MECOM: variants seen among roughly 807,000 people sequenced by gnomAD.
MECOM encodes the protein MDS1 and EVI1 complex locus.
A neutral mutation model predicts 116.3 loss-of-function variants in MECOM; 13 were observed. That is an observed-to-expected ratio of 0.11 (90% CI 0.07 to 0.18). The LOEUF is 0.18. Among genes scored for constraint, MECOM ranks in the 10% least tolerant of loss-of-function variants. The pLI is 1.00. For synonymous variants in MECOM, 528 were observed against 535.2 expected (o/e 0.99, Z 0.19); for missense variants, 1,299 against 1,509.0 (o/e 0.86, Z 2.31).
In MECOM at chr3:169,378,567, AAAGAAAGAAAGAAAGAAAGTAAGT is replaced by A. The variant is rs1370611309; in HGVS notation, c.375+2596_375+2619del. On this transcript the variant is annotated intron_variant, in intron 2 of 16. Transcript: ENST00000651503. ...GAAAGAAAGAAAGAAAGAAAGAAAGAAAGAAAGAAAGAAAGAAAGTAAGTAAGTAAGTTTGGGGACTTAATACAA... is the reference window on the plus strand; with the variant it reads ...GAAAGAAAGAAAGAAAGAAAGAAAGAAAGTAAGTTTGGGGACTTAATACAA... Among the ~76,000 whole-genome samples the A allele has an allele frequency of 7.6e-3, 1,039 of 136,952 alleles. 98 individuals are homozygous for A. Among genetic ancestry groups the A allele is most frequent in the Middle Eastern group, 0.014 (4 of 278 alleles). 89.8% of individuals were successfully genotyped at this position (136,952 alleles called of 152,430 possible).
intron 1 of MECOM, among the ~76,000 whole-genome samples, chr3:169,529,205 G>A (rs1560396476): frequency 1.3e-5 from 2 of 152,110 alleles, no homozygotes; most frequent in South Asian, 2.1e-4. Flanking sequence ...CAAAGCCACA[G>A]GGTCTAATAA....
At chr3:169,625,308 A>G (rs1350867461) in intron 1 of MECOM, among the ~76,000 whole-genome samples, 2 of 152,166 alleles carry the variant, frequency 1.3e-5, no homozygotes, top group Admixed American at 6.5e-5. Flanking sequence ...CCTCCAAAAT[A>G]TACCAATCTG....
intron 1 of MECOM, among the ~76,000 whole-genome samples, chr3:169,529,480 A>G (rs1394909036): frequency 6.6e-6 from 1 of 152,150 alleles, no homozygotes; most frequent in Non-Finnish European, 1.5e-5. Flanking sequence ...AAGGCTTCCC[A>G]TATCCATATC....
intron 3 of MECOM, among the ~76,000 whole-genome samples, chr3:169,134,125 T>G (rs760894346): frequency 3.3e-5 from 5 of 152,226 alleles, no homozygotes; most frequent in Non-Finnish European, 7.3e-5. Flanking sequence ...GAGAGTATTA[T>G]GATATCATTA....
chr3:169,447,870 T>A (rs1223406311), intron 1 of MECOM: 1 of 152,244 alleles, frequency 6.6e-6, no homozygotes, highest in African/African-American at 2.4e-5. Context: ...AATGAAAGAT[T>A]GGTGAGTAAC....
chr3:169,580,886 G>A (rs1765053751), intron 1 of MECOM, among the ~76,000 whole-genome samples: 1 of 152,080 alleles, frequency 6.6e-6, no homozygotes, highest in Non-Finnish European at 1.5e-5. Context: ...AGGCTTCCTT[G>A]ACATTTACCC....
intron 2 of MECOM, among the ~76,000 whole-genome samples, chr3:169,284,083 T>C (rs911813826): frequency 6.6e-6 from 1 of 152,196 alleles, no homozygotes; most frequent in African/African-American, 2.4e-5. Flanking sequence ...GGCCAATTGC[T>C]GGTGCCAGGC....
chr3:169,186,200 A>C (rs1746684293), intron 2 of MECOM, among the ~76,000 whole-genome samples: 1 of 152,058 alleles, frequency 6.6e-6, no homozygotes, highest in Admixed American at 6.6e-5. Context: ...GCTTATTTCC[A>C]ATACCTAGCT....
At chr3:169,564,217 T>C (rs1453351181) in intron 1 of MECOM, among the ~76,000 whole-genome samples, 1 of 152,158 alleles carries the variant, frequency 6.6e-6, no homozygotes, top group Non-Finnish European at 1.5e-5. Flanking sequence ...GACTCAAACA[T>C]ACAAGACATC....
intron 1 of MECOM, among the ~76,000 whole-genome samples, chr3:169,562,139 C>CAAAAAAAAAAAAAAAAAAAAAAAAAA (rs10714325): frequency 4.0e-5 from 1 of 25,282 alleles, no homozygotes; most frequent in Non-Finnish European, 7.7e-5. Context: ...GAGCAATACT[C>CAAAAAAAAAAAAAAAAAAAAAAAAAA]AAAAAAAAAA....
At chr3:169,219,474 T>A (rs1751841451) in intron 2 of MECOM, among the ~76,000 whole-genome samples, 1 of 152,160 alleles carries the variant, frequency 6.6e-6, no homozygotes, top group Non-Finnish European at 1.5e-5. Flanking sequence ...GCCACTGCAC[T>A]CCAGCCTGGG....
rs1266908619 is a variant in MECOM at position 169,378,572 on chromosome 3, AAG to A, written c.375+2613_375+2614del. ...AAAGAAAGAAAGAAAGAAAGAAAGAAAGAAAGAAAGAAAGTAAGTAAGTAAGT... is the reference window on the plus strand; with the variant it reads ...AAAGAAAGAAAGAAAGAAAGAAAGAAAAAGAAAGAAAGTAAGTAAGTAAGT... On this transcript the variant is annotated intron_variant, in intron 2 of 16. Transcript: ENST00000651503. Among the ~76,000 whole-genome samples, 5 of 112,912 alleles carry A rather than the reference AAG, an allele frequency of 4.4e-5. 1 individual carries two copies. Among genetic ancestry groups the A allele is most frequent in the Non-Finnish European group, 9.6e-5 (5 of 51,872 alleles). The allele number at this position is 112,912 out of a possible 152,430, so 74.1% of individuals were successfully genotyped here.
intron 1 of MECOM, among the ~76,000 whole-genome samples, chr3:169,459,389 A>G (rs996073857): frequency 2.0e-5 from 3 of 152,240 alleles, no homozygotes; most frequent in Non-Finnish European, 2.9e-5. Context: ...CAAGTTTCTG[A>G]CAATAGTAAA....
chr3:169,610,642 G>T (rs1402986264), intron 1 of MECOM, among the ~76,000 whole-genome samples: 1 of 152,076 alleles, frequency 6.6e-6, no homozygotes, highest in Non-Finnish European at 1.5e-5. Flanking sequence ...AAACATATTT[G>T]CTGTGTACAT....
chr3:169,424,352 T>A (rs1311133381), intron 1 of MECOM, among the ~76,000 whole-genome samples: 4 of 152,168 alleles, frequency 2.6e-5, no homozygotes, highest in Non-Finnish European at 5.9e-5. Context: ...ACTGATTTTA[T>A]GGTAGTAAAA....
rs560600708 is a variant in MECOM at position 169,548,096 on chromosome 3, G to A, written c.37+115240C>T. Reference sequence around the variant, plus strand: ...CCTTTCAGAAAAAATAAAATATATCGCTTATTAAAACATAAGAAACTAGAC... The same window carrying A: ...CCTTTCAGAAAAAATAAAATATATCACTTATTAAAACATAAGAAACTAGAC... On this transcript the variant is annotated intron_variant, in intron 1 of 16. Transcript: ENST00000651503. 2.5e-3 allele frequency among the ~76,000 whole-genome samples: 377 copies of A among 151,852 alleles called. 2 individuals carry two copies. The highest frequency in any genetic ancestry group is 2.8e-3 in the Non-Finnish European group (190 of 67,968).
rs535060864 is a variant in MECOM, at chr3:169,452,434, C to A, written c.38-70910G>T. Among the ~76,000 whole-genome samples the A allele has an allele frequency of 2.0e-5, 3 of 152,212 alleles. No individual in the cohort carries two copies. The South Asian group carries it at 6.2e-4, about 32-fold the overall frequency. On this transcript the variant is annotated intron_variant, in intron 1 of 16. Coordinates refer to ENST00000651503, the MANE Select transcript of MECOM (RefSeq NM_004991.4). ...TGGATCAATGTTGATATTATTATTT[C>A]TGTTAATTATATTATGCATCTTCCT...
chr3:169,313,606 G>A (rs1484401642), intron 2 of MECOM, among the ~76,000 whole-genome samples: 5 of 152,190 alleles, frequency 3.3e-5, no homozygotes, highest in Non-Finnish European at 5.9e-5. Context: ...GACAGATACA[G>A]GAGGCTTGGT....
At chr3:169,275,444 G>T (rs1759459312) in intron 2 of MECOM, among the ~76,000 whole-genome samples, 2 of 152,134 alleles carry the variant, frequency 1.3e-5, no homozygotes, top group Non-Finnish European at 2.9e-5. Flanking sequence ...TTTTTGGAAG[G>T]TCTCCTGCCT....
Sources: gnomAD v4.1 joint callset for allele counts (sites outside exome capture counted in the v4.1 genomes callset) on GRCh38, gnomAD v4.1.1 for gene constraint, MANE v1.5 for transcripts, NCBI Gene and HGNC (gene_info 2026-07-23, HGNC 2026-07-21) for gene names.